The following CDKL1 variants were observed in gnomAD, a reference collection of about 807,000 sequenced individuals.
The protein encoded by CDKL1 is cyclin dependent kinase like 1.
A neutral mutation model predicts 42.0 loss-of-function variants in CDKL1; 41 were observed. The ratio of observed to expected loss-of-function variants is 0.98; its 90% CI spans 0.76 to 1.27. The LOEUF (loss-of-function observed/expected upper bound fraction) is 1.27. Ranked by LOEUF, CDKL1 falls within the 50% of genes most tolerant of loss-of-function variation. The pLI is 0.00. For synonymous variants in CDKL1, 153 were observed against 158.6 expected, an observed-to-expected ratio of 0.96 and a Z score of 0.26; for missense variants, 394 against 428.4, an observed-to-expected ratio of 0.92 and a Z score of 0.71.
intron 3 of CDKL1, among the ~76,000 whole-genome samples, chr14:50,347,176 ACTT>A (rs2033754839): frequency 6.6e-6 from 1 of 152,076 alleles, no homozygotes; most frequent in Non-Finnish European, 1.5e-5. Context: ...TACTCACTTC[ACTT>A]CTTTACTCAG....
At chr14:50,395,673 G>GA (rs765767711) in intron 2 of CDKL1, 28 bp downstream of exon 2, 119 of 1,517,648 alleles carry the variant, frequency 7.8e-5, no homozygotes, top group Admixed American at 5.6e-4. Flanking sequence ...TCTCGAAAAA[G>GA]AAAAAAAAGG....
intron 2 of CDKL1, among the ~76,000 whole-genome samples, chr14:50,393,903 T>A (rs1322008554): frequency 6.6e-6 from 1 of 152,228 alleles, no homozygotes; most frequent in Admixed American, 6.5e-5. Context: ...CATCCACCTT[T>A]GTTAAGAGTT....
intron 2 of CDKL1, among the ~76,000 whole-genome samples, chr14:50,364,266 C>T (rs2034375538): frequency 6.6e-6 from 1 of 152,198 alleles, no homozygotes; most frequent in Non-Finnish European, 1.5e-5. Flanking sequence ...TTTAGGAGTT[C>T]AAGACCAGCC....
intron 2 of CDKL1, 58 bp downstream of exon 2, chr14:50,395,643 G>C (rs1177558755): frequency 8.3e-7 from 1 of 1,204,266 alleles, no homozygotes; most frequent in African/African-American, 1.5e-5. Context: ...CTCCAGCCTG[G>C]GAGACAGAGT....
chr14:50,376,343 T>C (rs529188806), intron 2 of CDKL1: 2 of 469,720 alleles, frequency 4.3e-6, no homozygotes, highest in Admixed American at 2.4e-5. Context: ...TTACTAGCAC[T>C]CCACTTCTGA....
intron 9 of CDKL1, 26 bp from the exon 10 acceptor site, chr14:50,330,207 G>T: frequency 6.3e-7 from 1 of 1,589,918 alleles, no homozygotes; most frequent in Non-Finnish European, 8.5e-7. Flanking sequence ...ACAGAATTAG[G>T]TTCAAAACTG....
At chr14:50,385,230 T>C (rs1407718740) in intron 2 of CDKL1, among the ~76,000 whole-genome samples, 5 of 152,090 alleles carry the variant, frequency 3.3e-5, no homozygotes, top group Non-Finnish European at 7.4e-5. Context: ...CAGACCCATC[T>C]TAACTAAGGA....
chr14:50,340,160 G>GC (rs995733904), intron 6 of CDKL1, among the ~76,000 whole-genome samples: 1 of 152,166 alleles, frequency 6.6e-6, no homozygotes, highest in African/African-American at 2.4e-5. Flanking sequence ...AAGGCTGAGT[G>GC]CCCCTGGAAG....
intron 2 of CDKL1, among the ~76,000 whole-genome samples, chr14:50,363,476 T>C (rs2034343285): frequency 1.3e-5 from 2 of 152,360 alleles, no homozygotes; most frequent in South Asian, 4.1e-4. Context: ...AGGGGCTAAA[T>C]ACTAACTTTA....
intron 2 of CDKL1, among the ~76,000 whole-genome samples, chr14:50,364,724 G>C (rs1343720091): frequency 6.6e-6 from 1 of 151,914 alleles, no homozygotes; most frequent in Non-Finnish European, 1.5e-5. Flanking sequence ...CATACAACAG[G>C]GTCAGGTAAA....
chr14:50,346,481 G>T (rs1465491742), intron 3 of CDKL1, among the ~76,000 whole-genome samples: 1 of 151,506 alleles, frequency 6.6e-6, no homozygotes, highest in Non-Finnish European at 1.5e-5. Flanking sequence ...TTTTTTTTAG[G>T]GTCAGGGTCT....
chr14:50,345,113 CT>C, intron 3 of CDKL1, 55 bp from the exon 4 acceptor site: 1 of 1,515,826 alleles, frequency 6.6e-7, no homozygotes, highest in South Asian at 1.2e-5. Flanking sequence ...TGGAATTCAG[CT>C]CAAGAAAAGA....
At chr14:50,336,734 C>T (rs2033297406) in intron 7 of CDKL1, among the ~76,000 whole-genome samples, 1 of 151,978 alleles carries the variant, frequency 6.6e-6, no homozygotes, top group African/African-American at 2.4e-5. Flanking sequence ...TTTTTGATTA[C>T]AATACAGGCT....
intron 2 of CDKL1, among the ~76,000 whole-genome samples, chr14:50,373,056 T>C (rs906123734): frequency 2.6e-5 from 4 of 152,242 alleles, no homozygotes; most frequent in Non-Finnish European, 4.4e-5. Flanking sequence ...GCATAGTTTT[T>C]TCTATTTCAA....
At chr14:50,378,595 A>T (rs7151072) in intron 2 of CDKL1, among the ~76,000 whole-genome samples, 69,699 of 151,306 alleles carry the variant, frequency 0.46, 16,384 homozygotes, top group East Asian at 0.76. Flanking sequence ...GTGCAGTGGC[A>T]TGATCATCGC....
intron 2 of CDKL1, chr14:50,378,076 G>A (rs2034785863): frequency 9.0e-6 from 10 of 1,107,746 alleles, no homozygotes; most frequent in Middle Eastern, 3.4e-4. Context: ...GGACATCTAC[G>A]AGAAAGAGCC....
At chr14:50,338,657 G>A (rs879829171) in intron 7 of CDKL1, among the ~76,000 whole-genome samples, 10 of 152,152 alleles carry the variant, frequency 6.6e-5, no homozygotes, top group Non-Finnish European at 1.3e-4. Flanking sequence ...CTAAAAGTTG[G>A]TTGGCTCTAA....
At chr14:50,384,844 G>T (rs1027482446) in intron 2 of CDKL1, among the ~76,000 whole-genome samples, 3 of 151,916 alleles carry the variant, frequency 2.0e-5, no homozygotes, top group African/African-American at 7.2e-5. Context: ...GCCGAGGTGG[G>T]TGGATCACTT....
At chr14:50,385,823 A>T (rs1198659216) in intron 2 of CDKL1, among the ~76,000 whole-genome samples, 2 of 150,850 alleles carry the variant, frequency 1.3e-5, no homozygotes, top group African/African-American at 2.4e-5. Flanking sequence ...AAAAAAAAAA[A>T]GTCATGGCAA....
Sources: allele counts gnomAD v4.1 joint callset (sites outside exome capture counted in the v4.1 genomes callset), GRCh38; gene constraint gnomAD v4.1.1; transcripts MANE v1.5; gene names NCBI Gene and HGNC (gene_info 2026-07-23, HGNC 2026-07-21).